NBAS: variants seen among roughly 807,000 people sequenced by gnomAD.
NBAS encodes NBAS subunit of NRZ tethering complex, also known as NAG/BC035112 fusion.
NBAS carries 219 observed loss-of-function variants against 302.5 expected under a neutral mutation model. The ratio of observed to expected loss-of-function variants is 0.72; its 90% confidence interval spans 0.65 to 0.81. The LOEUF (loss-of-function observed/expected upper bound fraction) is 0.81. NBAS is among the 30% of genes least tolerant of loss of function. The pLI is 0.00. For missense variants in NBAS, 2,932 were observed against 2,841.6 expected, an observed-to-expected ratio of 1.03 and a Z score of -0.72; for synonymous variants, 1,118 against 1,021.6, an observed-to-expected ratio of 1.09 and a Z score of -1.80.
the NBAS span, among the ~76,000 whole-genome samples, chr2:14,843,852 C>A: frequency 1.3e-5 from 2 of 152,056 alleles, no homozygotes; most frequent in East Asian, 1.9e-4. Context: ...AGGTGATGCC[C>A]GCCAACAAAA....
At chr2:14,987,472 A>AATATATAT in the NBAS span, among the ~76,000 whole-genome samples, 70 of 149,174 alleles carry the variant, frequency 4.7e-4, 1 homozygote, top group South Asian at 9.5e-3. Flanking sequence ...TCTTATGACA[A>AATATATAT]ATATATATAT....
chr2:15,114,684 C>T, the NBAS span, among the ~76,000 whole-genome samples: 3 of 152,128 alleles, frequency 2.0e-5, no homozygotes, highest in Non-Finnish European at 2.9e-5. Context: ...AAGTATGTGG[C>T]TGTGATTGAC....
At chr2:15,304,235 T>C (rs949753178) in intron 40 of NBAS, among the ~76,000 whole-genome samples, 3 of 152,182 alleles carry the variant, frequency 2.0e-5, no homozygotes, top group African/African-American at 7.2e-5. Flanking sequence ...CTGATAGTTT[T>C]ATAAAGGGGC....
chr2:15,179,388 G>C, intron 50 of NBAS: 1 of 384,148 alleles, frequency 2.6e-6, no homozygotes. Context: ...CAGATATAGT[G>C]GTATAATTTA....
intron 40 of NBAS, among the ~76,000 whole-genome samples, chr2:15,295,343 C>T (rs1332004243): frequency 6.6e-6 from 1 of 152,166 alleles, no homozygotes; most frequent in Non-Finnish European, 1.5e-5. Context: ...TCGCATGTGA[C>T]AAAAAGACAG....
chr2:15,002,526 G>A, the NBAS span, among the ~76,000 whole-genome samples: 5 of 152,176 alleles, frequency 3.3e-5, no homozygotes, highest in East Asian at 3.9e-4. Context: ...GTCCCACGCC[G>A]TGCGCCCACA....
chr2:15,537,717 G>C (rs551337351), intron 7 of NBAS, among the ~76,000 whole-genome samples: 1 of 152,166 alleles, frequency 6.6e-6, no homozygotes, highest in African/African-American at 2.4e-5. Context: ...TTTAAAAAAA[G>C]AAAAAATGGT....
chr2:15,126,600 C>T, the NBAS span, among the ~76,000 whole-genome samples: 1 of 152,302 alleles, frequency 6.6e-6, no homozygotes, highest in South Asian at 2.1e-4. Context: ...TCCACACTCC[C>T]TCAGCCCATG....
chr2:15,400,238 G>GAA (rs553490069), intron 26 of NBAS, among the ~76,000 whole-genome samples: 2 of 135,044 alleles, frequency 1.5e-5, no homozygotes, highest in African/African-American at 5.4e-5. Context: ...AAGAGACAGA[G>GAA]AAAAAAAAAA....
In NBAS at chr2:15,179,155, C is replaced by T. The variant is rs772237080; in HGVS notation, c.6712-39G>A. The T allele has an allele frequency of 3.6e-5, 58 of 1,613,250 alleles. 1 individual carries two copies. The South Asian group carries it at 4.8e-4, about 13-fold the overall frequency. The stretch of plus-strand genomic sequence containing the variant: ...GCAGGGGTGAGCGAGAACTCCACGA[C>T]GTACTTCTCACCGGCACGGTTCTGG... On this transcript the variant is annotated intron_variant, in intron 50 of 51. Transcript: ENST00000281513.
At chr2:15,226,438 T>A (rs1667154072) in intron 47 of NBAS, among the ~76,000 whole-genome samples, 1 of 152,230 alleles carries the variant, frequency 6.6e-6, no homozygotes, top group African/African-American at 2.4e-5. Context: ...TAACACGAAC[T>A]AGAAATTGAT....
At chr2:14,968,964 T>C in the NBAS span, among the ~76,000 whole-genome samples, 1 of 152,172 alleles carries the variant, frequency 6.6e-6, no homozygotes, top group Non-Finnish European at 1.5e-5. Context: ...AACTGACAAG[T>C]GGATCAATAA....
the NBAS span, among the ~76,000 whole-genome samples, chr2:14,807,930 C>T: frequency 6.6e-6 from 1 of 152,138 alleles, no homozygotes; most frequent in South Asian, 2.1e-4. Flanking sequence ...CTCTCTCTCA[C>T]ACACACACAT....
the NBAS span, among the ~76,000 whole-genome samples, chr2:15,090,488 A>C: frequency 6.6e-6 from 1 of 152,238 alleles, no homozygotes; most frequent in South Asian, 2.1e-4. Flanking sequence ...AGCTATAAAA[A>C]TCCAGAGAAA....
In NBAS at chr2:15,402,158, G is replaced by T; in HGVS notation, c.3071+10C>A. 6.2e-7 allele frequency: 1 copy of T among 1,613,222 alleles called. No homozygotes were observed. Among genetic ancestry groups the T allele is most frequent in the Non-Finnish European group, 8.5e-7 (1 of 1,179,388 alleles). ...AAACACAATAAGACTGGCATACTGT[G>T]TATTCTTACCCATATCCTCTTTCTG... On this transcript the variant is annotated intron_variant, in intron 26 of 51. Transcript: ENST00000281513.
chr2:15,510,109 A>T (rs1662069138), intron 10 of NBAS, among the ~76,000 whole-genome samples: 1 of 152,184 alleles, frequency 6.6e-6, no homozygotes, highest in Non-Finnish European at 1.5e-5. Context: ...CGGCCTCCCA[A>T]AGTGATGGGA....
At chr2:15,153,150 C>G in the NBAS span, among the ~76,000 whole-genome samples, 3 of 152,104 alleles carry the variant, frequency 2.0e-5, no homozygotes, top group African/African-American at 7.2e-5. Context: ...ACACTTCATC[C>G]CAGTTAGCTT....
intron 21 of NBAS, among the ~76,000 whole-genome samples, chr2:15,448,121 C>T (rs938499436): frequency 5.9e-5 from 9 of 152,186 alleles, no homozygotes; most frequent in African/African-American, 1.7e-4. Flanking sequence ...AATAAAGTTT[C>T]AACATGAATT....
At chr2:14,910,028 C>A in the NBAS span, among the ~76,000 whole-genome samples, 2 of 152,278 alleles carry the variant, frequency 1.3e-5, no homozygotes, top group South Asian at 4.1e-4. Flanking sequence ...TTCTCAGACC[C>A]GGTTGCCCTG....
Sources: gnomAD v4.1 joint callset for allele counts (sites outside exome capture counted in the v4.1 genomes callset) on GRCh38, gnomAD v4.1.1 for gene constraint, MANE v1.5 for transcripts, NCBI Gene and HGNC (gene_info 2026-07-23, HGNC 2026-07-21) for gene names.